The following SH3D19 variants were observed in gnomAD, a reference collection of about 807,000 sequenced individuals.
The protein encoded by SH3D19 is SH3 domain containing 19.
In SH3D19, 58 loss-of-function variants were observed where a neutral mutation model predicts 112.1. The ratio of observed to expected loss-of-function variants is 0.52; its 90% CI spans 0.42 to 0.64. SH3D19 has a LOEUF of 0.64. Ranked by LOEUF, SH3D19 falls within the 30% of genes least tolerant of loss-of-function variation. The pLI is 0.00. For synonymous variants in SH3D19, 391 were observed against 448.5 expected (o/e 0.87, Z 1.62); for missense variants, 1,090 against 1,263.4 (o/e 0.86, Z 2.08).
intron 1 of SH3D19, among the ~76,000 whole-genome samples, chr4:151,303,137 G>A (rs1174176192): frequency 1.3e-5 from 2 of 152,180 alleles, no homozygotes; most frequent in Non-Finnish European, 2.9e-5. Flanking sequence ...CTAAAGATAG[G>A]TTTTGATTAT....
chr4:151,123,914 TGAAAA>T (rs1219786197), intron 19 of SH3D19, among the ~76,000 whole-genome samples: 1 of 152,050 alleles, frequency 6.6e-6, no homozygotes, highest in African/African-American at 2.4e-5. Context: ...TTATGGAAAA[TGAAAA>T]GGAAACATGC....
chr4:151,180,009 A>C (rs1401347481), intron 3 of SH3D19, among the ~76,000 whole-genome samples: 1 of 152,116 alleles, frequency 6.6e-6, no homozygotes, highest in Non-Finnish European at 1.5e-5. Flanking sequence ...CAGCCTCCCA[A>C]GTAGCTGGGA....
chr4:151,281,853 G>C (rs771481151), intron 1 of SH3D19, among the ~76,000 whole-genome samples: 14 of 152,102 alleles, frequency 9.2e-5, no homozygotes, highest in Non-Finnish European at 1.9e-4. Context: ...GCATACAGGT[G>C]ATGGCTGAAA....
intron 1 of SH3D19, among the ~76,000 whole-genome samples, chr4:151,266,442 C>T (rs955412637): frequency 2.6e-5 from 4 of 152,176 alleles, no homozygotes; most frequent in African/African-American, 9.7e-5. Flanking sequence ...GATTAGCTAC[C>T]TCCATTTGTT....
intron 2 of SH3D19, among the ~76,000 whole-genome samples, chr4:151,189,501 G>A (rs555167045): frequency 4.4e-4 from 67 of 152,258 alleles, no homozygotes; most frequent in Admixed American, 2.0e-3. Context: ...CCACAATTCC[G>A]TGTCGTGGGA....
chr4:151,175,253 A>G lies in SH3D19; in HGVS notation c.951T>C (p.Ile317=). ...GCTTTGGAGGAAGTGAACGTGGAGT[A>G]ATTTCTGGTTTCTTGGGCAGTCCTG... is the stretch of plus-strand genomic sequence containing the variant. ...ETSGLPKKPE[I]TPRSLPPKPT... Residue 317 remains isoleucine (I), a synonymous_variant, in exon 7 of 20, where the codon ATT becomes ATC. Transcript: ENST00000604030. 1 of 1,614,138 alleles carries G rather than the reference A, an allele frequency of 6.2e-7. No homozygotes were observed. The highest frequency in any genetic ancestry group is 1.3e-5 in the African/African-American group (1 of 75,004).
At chr4:151,264,450 CA>C (rs1302475768) in intron 1 of SH3D19, among the ~76,000 whole-genome samples, 13 of 123,956 alleles carry the variant, frequency 1.0e-4, no homozygotes, top group Non-Finnish European at 1.6e-4. Context: ...AAAAACCAAA[CA>C]AAAAAAAAAC....
chr4:151,148,221 T>C (rs370053396), intron 10 of SH3D19, 35 bp from the exon 11 acceptor site: 111 of 1,552,876 alleles, frequency 7.1e-5, no homozygotes, highest in Non-Finnish European at 9.5e-5. Context: ...AGTCAGTGTT[T>C]TGATCAGTAT....
chr4:151,146,020 T>C (rs2149771606), intron 11 of SH3D19, among the ~76,000 whole-genome samples: 1 of 152,350 alleles, frequency 6.6e-6, no homozygotes, highest in East Asian at 1.9e-4. Flanking sequence ...AATTAAGTAA[T>C]CTATCCCAAA....
chr4:151,175,425 G>A lies in SH3D19; in HGVS notation c.779C>T (p.Ser260Leu). 3 of 1,535,880 alleles carry A rather than the reference G, an allele frequency of 2.0e-6. No homozygotes were observed. The highest frequency in any genetic ancestry group is 2.6e-6 in the Non-Finnish European group (3 of 1,144,922). The change falls in exon 7 of 20, where the codon TCA becomes TTA. Residue 260 changes from serine (S) to leucine (L), a missense_variant. Physicochemically the swap from Ser to Leu is moderately radical, Grantham distance 145. Transcript: ENST00000604030. ...KISPAAVGEESSPGRPQSLLD... is the reference protein window; with the variant it reads ...KISPAAVGEELSPGRPQSLLD... ...CAGAGACTGGGGCCGGCCTGGGGAT[G>A]ACTCCTCTCCTACGGCTGCTGGGCT...
intron 19 of SH3D19, among the ~76,000 whole-genome samples, chr4:151,122,538 C>CACAT (rs5862949): frequency 1.3e-5 from 2 of 151,496 alleles, no homozygotes; most frequent in East Asian, 3.9e-4. Flanking sequence ...CACACACACA[C>CACAT]GATTATTTAT....
intron 9 of SH3D19, among the ~76,000 whole-genome samples, chr4:151,154,000 C>T (rs564484203): frequency 6.6e-6 from 1 of 151,960 alleles, no homozygotes; most frequent in Non-Finnish European, 1.5e-5. Flanking sequence ...CTCACTCTGT[C>T]GCACAGGCTG....
intron 1 of SH3D19, chr4:151,300,465 C>G (rs1038023955): frequency 9.3e-5 from 14 of 151,310 alleles, no homozygotes; most frequent in African/African-American, 3.4e-4. Context: ...TGTAAATGGA[C>G]AGAACTAGGA....
At chr4:151,325,032 G>A (rs1580494682) in intron 1 of SH3D19, among the ~76,000 whole-genome samples, 1 of 152,214 alleles carries the variant, frequency 6.6e-6, no homozygotes, top group Non-Finnish European at 1.5e-5. Context: ...ACCACTAGCA[G>A]TTAAAGACGG....
intron 9 of SH3D19, among the ~76,000 whole-genome samples, chr4:151,150,937 G>A (rs939926855): frequency 1.3e-5 from 2 of 151,420 alleles, no homozygotes; most frequent in Non-Finnish European, 2.9e-5. Context: ...TTTTGGAGGG[G>A]GAAAAAGCCC....
chr4:151,160,905 T>C (rs1757039543), intron 8 of SH3D19, among the ~76,000 whole-genome samples: 1 of 152,142 alleles, frequency 6.6e-6, no homozygotes, highest in Admixed American at 6.5e-5. Flanking sequence ...ACATATATAA[T>C]AAAAACATCC....
chr4:151,246,139 T>C (rs1379490770), intron 1 of SH3D19, among the ~76,000 whole-genome samples: 2 of 151,946 alleles, frequency 1.3e-5, no homozygotes, highest in African/African-American at 4.8e-5. Context: ...AAATTCTCCA[T>C]CAGATTAAAT....
At chr4:151,161,115 G>A (rs1255557860) in intron 8 of SH3D19, among the ~76,000 whole-genome samples, 3 of 152,136 alleles carry the variant, frequency 2.0e-5, no homozygotes, top group East Asian at 1.9e-4. Context: ...GGGATGTGGA[G>A]GTAGGAGATT....
At chr4:151,300,782 C>T (rs1728330284) in intron 1 of SH3D19, among the ~76,000 whole-genome samples, 3 of 152,244 alleles carry the variant, frequency 2.0e-5, no homozygotes, top group African/African-American at 4.8e-5. Flanking sequence ...AGTCAGGACA[C>T]AGAATGGCCA....
Sources: allele counts gnomAD v4.1 joint callset (sites outside exome capture counted in the v4.1 genomes callset), GRCh38; gene constraint gnomAD v4.1.1; transcripts MANE v1.5; gene names NCBI Gene and HGNC (gene_info 2026-07-23, HGNC 2026-07-21).